The following CLASP1 variants were observed in gnomAD, a reference collection of about 807,000 sequenced individuals.
CLASP1 encodes the protein cytoplasmic linker associated protein 1, also known as CLIP-associating protein 1.
A neutral mutation model predicts 192.3 loss-of-function variants in CLASP1; 38 were observed. The ratio of observed to expected loss-of-function variants is 0.20; its 90% CI spans 0.15 to 0.26. CLASP1 has a LOEUF of 0.26. Ranked by LOEUF, CLASP1 falls within the 10% of genes least tolerant of loss-of-function variation. CLASP1 has a pLI of 1.00. For synonymous variants in CLASP1, 691 were observed against 712.8 expected (o/e 0.97, Z 0.49); for missense variants, 1,433 against 1,932.5 (o/e 0.74, Z 4.85).
At chr2:121,477,380 TCAA>T (rs2091762977) in intron 8 of CLASP1, among the ~76,000 whole-genome samples, 2 of 152,158 alleles carry the variant, frequency 1.3e-5, no homozygotes, top group African/African-American at 2.4e-5. Context: ...TGAAGACAAA[TCAA>T]CAAAGACAAT....
At chr2:121,530,777 T>G (rs1575705620) in intron 2 of CLASP1, 1 of 559,356 alleles carries the variant, frequency 1.8e-6, no homozygotes, top group Non-Finnish European at 3.2e-6. Flanking sequence ...AGGCTGGAGG[T>G]AAGCTAGCTA....
At chr2:121,520,520 C>T (rs998358587) in intron 6 of CLASP1, among the ~76,000 whole-genome samples, 1 of 152,234 alleles carries the variant, frequency 6.6e-6, no homozygotes, top group Non-Finnish European at 1.5e-5. Flanking sequence ...CTCCTCCCTC[C>T]TCCTGAGCTC....
At chr2:121,383,278 T>G (rs961293241) in intron 32 of CLASP1, among the ~76,000 whole-genome samples, 3 of 152,226 alleles carry the variant, frequency 2.0e-5, no homozygotes, top group Admixed American at 2.0e-4. Context: ...AGCCTCTGCA[T>G]GCTAGTCTCC....
chr2:121,431,031 C>G (rs1425049042), intron 19 of CLASP1, among the ~76,000 whole-genome samples: 1 of 151,506 alleles, frequency 6.6e-6, no homozygotes, highest in African/African-American at 2.4e-5. Context: ...AATGCCTCTC[C>G]GGCCGTAACT....
chr2:121,578,726 CAAAAAAAA>C (rs3980092), intron 2 of CLASP1, among the ~76,000 whole-genome samples: 6 of 105,724 alleles, frequency 5.7e-5, no homozygotes, highest in Non-Finnish European at 1.4e-4. Context: ...GACTCCGTCT[CAAAAAAAA>C]AAAAAAAAAG....
At chr2:121,403,643 T>C (rs1043209673) in intron 26 of CLASP1, 4 of 437,500 alleles carry the variant, frequency 9.1e-6, no homozygotes, top group African/African-American at 8.1e-5. Flanking sequence ...TCTAAGGGCC[T>C]TCTCCCTAAC....
chr2:121,646,917 G>A (rs568944381), intron 1 of CLASP1, among the ~76,000 whole-genome samples: 5 of 151,848 alleles, frequency 3.3e-5, no homozygotes, highest in African/African-American at 1.2e-4. Flanking sequence ...GCGGGCACCT[G>A]TAGTCCCAGC....
chr2:121,579,290 T>C (rs2060884312), intron 2 of CLASP1, among the ~76,000 whole-genome samples: 3 of 152,226 alleles, frequency 2.0e-5, no homozygotes, highest in Admixed American at 2.0e-4. Flanking sequence ...CCTTCACATA[T>C]GGAATCCCTT....
chr2:121,646,846 G>C lies in CLASP1; in HGVS notation c.-286+2526C>G, dbSNP rs142610886. 7.4e-3 allele frequency among the ~76,000 whole-genome samples: 1,116 copies of C among 150,708 alleles called. 20 individuals carry two copies. Among genetic ancestry groups the C allele is most frequent in the African/African-American group, 0.026 (1,065 of 41,016 alleles). ...AGGTCAGGATATCAAGGCCATCCTG[G>C]CTAACACGGTGAAACCCCGTCTCTA... On this transcript the variant is annotated intron_variant, in intron 1 of 39. Transcript: ENST00000263710.
chr2:121,577,517 C>T (rs936925599), intron 2 of CLASP1, among the ~76,000 whole-genome samples: 3 of 152,140 alleles, frequency 2.0e-5, no homozygotes, highest in Non-Finnish European at 2.9e-5. Flanking sequence ...GATATATGCA[C>T]AGAGAAATGC....
At chr2:121,628,534 G>C (rs2068818980) in intron 1 of CLASP1, among the ~76,000 whole-genome samples, 1 of 151,884 alleles carries the variant, frequency 6.6e-6, no homozygotes, top group African/African-American at 2.4e-5. Flanking sequence ...AAATTAGCCA[G>C]GCATGGTGGT....
At chr2:121,523,643 T>C (rs2094505656) in intron 6 of CLASP1, among the ~76,000 whole-genome samples, 2 of 152,204 alleles carry the variant, frequency 1.3e-5, no homozygotes, top group South Asian at 4.1e-4. Flanking sequence ...TCTCTTAAAA[T>C]CTACACCGAG....
chr2:121,374,012 C>A (rs1040690394), intron 34 of CLASP1, among the ~76,000 whole-genome samples: 3 of 152,212 alleles, frequency 2.0e-5, no homozygotes, highest in African/African-American at 7.2e-5. Flanking sequence ...ATGTTAATAG[C>A]CAAGACAATG....
At chr2:121,365,422 C>T (rs963290552) in intron 35 of CLASP1, 138 bp from the exon 37 acceptor site, 27 of 799,060 alleles carry the variant, frequency 3.4e-5, no homozygotes, top group Non-Finnish European at 5.0e-5. Flanking sequence ...CCCTCCCACC[C>T]TCCGCCCTGC....
intron 23 of CLASP1, among the ~76,000 whole-genome samples, chr2:121,413,872 G>A (rs1452089512): frequency 6.6e-6 from 1 of 152,162 alleles, no homozygotes; most frequent in East Asian, 1.9e-4. Flanking sequence ...CCTGGGGACA[G>A]AGTGGCAGGA....
Position 121,382,348 on chromosome 2 carries a change from T to C in CLASP1, c.3375-24A>G. ...GACTGCAGTGATCAGAAGAGGAAAA[T>C]CAGAGAGAGAAATACAAAAAGCAAA... On this transcript the variant is annotated intron_variant, in intron 32 of 39. Transcript: ENST00000263710. 2.1e-6 allele frequency: 3 copies of C among 1,447,102 alleles called. No individual in the cohort carries two copies. In the South Asian group the frequency reaches 4.1e-5, roughly 20 times the overall value. 89.6% of individuals were successfully genotyped at this position (1,447,102 alleles called of 1,614,324 possible). A position where few individuals can be genotyped will look rare whatever the true frequency, so the allele number is the denominator to read the frequency against.
intron 2 of CLASP1, among the ~76,000 whole-genome samples, chr2:121,590,867 A>ATTTTTT (rs10712368): frequency 7.4e-6 from 1 of 135,732 alleles, no homozygotes; most frequent in Non-Finnish European, 1.6e-5. Flanking sequence ...AAATTATTTG[A>ATTTTTT]TTTTTTTTTT....
chr2:121,613,274 CA>C, intron 1 of CLASP1, among the ~76,000 whole-genome samples: 1 of 152,322 alleles, frequency 6.6e-6, no homozygotes, highest in East Asian at 1.9e-4. Flanking sequence ...CCAAGCATCT[CA>C]ACCTTTTCCT....
intron 1 of CLASP1, among the ~76,000 whole-genome samples, chr2:121,610,495 G>C (rs1465312089): frequency 6.8e-6 from 1 of 147,590 alleles, no homozygotes; most frequent in Non-Finnish European, 1.5e-5. Flanking sequence ...AGAGGAGCTG[G>C]AGGAGGAAGA....
Sources: gnomAD v4.1 joint callset for allele counts (sites outside exome capture counted in the v4.1 genomes callset) on GRCh38, gnomAD v4.1.1 for gene constraint, MANE v1.5 for transcripts, NCBI Gene and HGNC (gene_info 2026-07-23, HGNC 2026-07-21) for gene names.